CNTN3: variants seen among roughly 807,000 people sequenced by gnomAD.
The protein encoded by CNTN3 is contactin 3.
Under a neutral mutation model 119.1 loss-of-function variants are expected in CNTN3, and 60 were observed. That is an observed-to-expected ratio of 0.50 (90% CI 0.41 to 0.62). The LOEUF is 0.62. Ranked by LOEUF, CNTN3 falls within the 20% of genes least tolerant of loss-of-function variation. The pLI is 0.00. For synonymous variants in CNTN3, 450 were observed against 438.7 expected (o/e 1.03, Z -0.32); for missense variants, 1,101 against 1,242.4 (o/e 0.89, Z 1.71).
At chr3:74,280,525 C>T (rs1701983656) in intron 20 of CNTN3, among the ~76,000 whole-genome samples, 1 of 152,092 alleles carries the variant, frequency 6.6e-6, no homozygotes, top group Admixed American at 6.5e-5. Flanking sequence ...AAGAAACTGC[C>T]CACCTTTCCC....
chr3:74,452,425 T>G (rs1265652878), intron 4 of CNTN3, among the ~76,000 whole-genome samples: 3 of 145,546 alleles, frequency 2.1e-5, no homozygotes, highest in Non-Finnish European at 4.5e-5. Context: ...GCTGAGACGA[T>G]GGGGTTTTCT....
At chr3:74,595,482 G>A (rs1302447654) in intron 1 of CNTN3, among the ~76,000 whole-genome samples, 1 of 151,916 alleles carries the variant, frequency 6.6e-6, no homozygotes, top group Non-Finnish European at 1.5e-5. Context: ...AAGGTGTAAG[G>A]AAACCACCAT....
At chr3:74,265,677 G>A (rs1159204265) in intron 22 of CNTN3, among the ~76,000 whole-genome samples, 4 of 152,096 alleles carry the variant, frequency 2.6e-5, no homozygotes. Flanking sequence ...TTTCTCTTCA[G>A]TTACTAATGT....
intron 11 of CNTN3, 76 bp from the exon 12 acceptor site, chr3:74,336,734 GA>G (rs1703404709): frequency 8.3e-7 from 1 of 1,199,618 alleles, no homozygotes; most frequent in African/African-American, 1.6e-5. Flanking sequence ...TATTTTTACA[GA>G]ACATGTTGCC....
chr3:74,564,450 G>A (rs1704198057), intron 1 of CNTN3, among the ~76,000 whole-genome samples: 1 of 151,818 alleles, frequency 6.6e-6, no homozygotes, highest in South Asian at 2.1e-4. Context: ...GCAAGAAAGT[G>A]GCCTCATGAT....
At chr3:74,313,105 G>C (rs961790685) in intron 13 of CNTN3, among the ~76,000 whole-genome samples, 2 of 151,600 alleles carry the variant, frequency 1.3e-5, no homozygotes, top group Admixed American at 6.6e-5. Context: ...TGAGCTCAAT[G>C]ATACAAAAAT....
chr3:74,307,080 A>G (rs1363988438), intron 13 of CNTN3, among the ~76,000 whole-genome samples: 2 of 152,178 alleles, frequency 1.3e-5, no homozygotes, highest in African/African-American at 4.8e-5. Context: ...GGGTAAAAAA[A>G]TAAACTACAC....
At chr3:74,268,200 G>A (rs1701701774) in intron 20 of CNTN3, among the ~76,000 whole-genome samples, 1 of 152,060 alleles carries the variant, frequency 6.6e-6, no homozygotes, top group African/African-American at 2.4e-5. Flanking sequence ...GTAAACTAAT[G>A]CTAAGGGGTG....
At chr3:74,292,553 C>T (rs545803470) in intron 19 of CNTN3, among the ~76,000 whole-genome samples, 1 of 151,872 alleles carries the variant, frequency 6.6e-6, no homozygotes, top group Non-Finnish European at 1.5e-5. Context: ...GCAACAAGAG[C>T]GAAAACTCCG....
At chr3:74,353,586 C>G (rs1324337897) in intron 11 of CNTN3, among the ~76,000 whole-genome samples, 1 of 152,088 alleles carries the variant, frequency 6.6e-6, no homozygotes, top group Non-Finnish European at 1.5e-5. Flanking sequence ...GAAACCCCGT[C>G]TCTACTAAAA....
At chr3:74,381,151 C>A (rs1575674056) in intron 5 of CNTN3, among the ~76,000 whole-genome samples, 1 of 150,362 alleles carries the variant, frequency 6.7e-6, no homozygotes, top group African/African-American at 2.5e-5. Flanking sequence ...ATTAGTAGCA[C>A]ATCAAACTAT....
At chr3:74,551,617 C>T (rs1222216635) in intron 1 of CNTN3, among the ~76,000 whole-genome samples, 2 of 152,070 alleles carry the variant, frequency 1.3e-5, no homozygotes, top group African/African-American at 4.8e-5. Context: ...AGCATCTCAC[C>T]TATTCTTCCT....
intron 1 of CNTN3, among the ~76,000 whole-genome samples, chr3:74,551,145 C>G (rs759818249): frequency 2.6e-5 from 4 of 152,124 alleles, no homozygotes; most frequent in Non-Finnish European, 5.9e-5. Context: ...CCTGTTCGAG[C>G]CTTAGCTAAC....
At chr3:74,358,365 T>G (rs1004942313) in intron 11 of CNTN3, among the ~76,000 whole-genome samples, 1 of 151,960 alleles carries the variant, frequency 6.6e-6, no homozygotes, top group Non-Finnish European at 1.5e-5. Context: ...GAGACACTGC[T>G]GGGTTAGCAA....
At chr3:74,510,937 G>A (rs1005725471) in intron 2 of CNTN3, among the ~76,000 whole-genome samples, 7 of 151,662 alleles carry the variant, frequency 4.6e-5, no homozygotes, top group African/African-American at 1.7e-4. Flanking sequence ...ATAGAACCTG[G>A]GCTAGTTTGT....
At chr3:74,550,375 A>C (rs1703972569) in intron 1 of CNTN3, among the ~76,000 whole-genome samples, 1 of 152,228 alleles carries the variant, frequency 6.6e-6, no homozygotes. Context: ...ATGTGATCAG[A>C]AACATGGGAG....
chr3:74,369,610 C>T (rs900168298), intron 7 of CNTN3, among the ~76,000 whole-genome samples: 3 of 150,592 alleles, frequency 2.0e-5, no homozygotes, highest in African/African-American at 7.3e-5. Flanking sequence ...TAATACAGAC[C>T]CACCATATTA....
intron 1 of CNTN3, among the ~76,000 whole-genome samples, chr3:74,562,853 G>A (rs1477425411): frequency 5.3e-5 from 8 of 152,018 alleles, no homozygotes; most frequent in East Asian, 3.9e-4. Flanking sequence ...ACCTTAAAGC[G>A]GATCACTTGA....
chr3:74,419,156 C>T (rs1701578293), intron 5 of CNTN3, among the ~76,000 whole-genome samples: 1 of 152,160 alleles, frequency 6.6e-6, no homozygotes, highest in Admixed American at 6.5e-5. Flanking sequence ...TCAAGGAAAA[C>T]TGTGTGCCTA....
Sources: allele counts gnomAD v4.1 joint callset (sites outside exome capture counted in the v4.1 genomes callset), GRCh38; gene constraint gnomAD v4.1.1; transcripts MANE v1.5; gene names NCBI Gene and HGNC (gene_info 2026-07-23, HGNC 2026-07-21).